NBPF9: variants seen among roughly 807,000 people sequenced by gnomAD.
The protein encoded by NBPF9 is NBPF family member NBPF9.
A neutral mutation model predicts 97.8 loss-of-function variants in NBPF9; 91 were observed. That is an observed-to-expected ratio of 0.93 (90% CI 0.79 to 1.11). NBPF9 has a LOEUF of 1.11. Among genes scored for constraint, NBPF9 ranks in the 50% least tolerant of loss-of-function variants. The pLI, the probability that NBPF9 is intolerant of heterozygous loss-of-function variation, is 0.00. For synonymous variants in NBPF9, 334 were observed against 359.5 expected (o/e 0.93, Z 0.80); for missense variants, 992 against 939.5 (o/e 1.06, Z -0.73).
chr1:149,062,991 C>T lies in NBPF9; in HGVS notation c.2027-78G>A, dbSNP rs1160689790. On this transcript the variant is annotated intron_variant, in intron 20 of 29. Transcript: ENST00000584027. ...ATAACAATCCACTGTCTAATCCTCA[C>T]ACAGGGACTTCAGGCTCCTCAGCAT... 4.6e-4 allele frequency: 312 copies of T among 677,346 alleles called. 3 individuals carry two copies. Among genetic ancestry groups the T allele is most frequent in the Admixed American group, 1.2e-3 (52 of 44,662 alleles). 42.0% of individuals were successfully genotyped at this position (677,346 alleles called of 1,614,324 possible).
chr1:149,093,092 G>A (rs1354367710), intron 4 of NBPF9, among the ~76,000 whole-genome samples: 14 of 151,924 alleles, frequency 9.2e-5, no homozygotes, highest in African/African-American at 3.1e-4. Context: ...AGGGGGATGT[G>A]GCAGGACAAT....
chr1:149,079,378 A>T (rs2080203998), intron 8 of NBPF9, among the ~76,000 whole-genome samples, 157 bp from the exon 9 acceptor site: 1 of 151,910 alleles, frequency 6.6e-6, no homozygotes, highest in Non-Finnish European at 1.5e-5. Context: ...GAGAAAGAAT[A>T]GAAAATGGTT....
At chr1:149,055,938 A>T (rs1553648798) in intron 29 of NBPF9, 39 bp from the exon 30 acceptor site, 4 of 1,611,918 alleles carry the variant, frequency 2.5e-6, no homozygotes, top group Non-Finnish European at 3.4e-6. Flanking sequence ...AGCCAGGGAA[A>T]ATCAGACACC....
In NBPF9 at chr1:149,080,093, C is replaced by G. The variant is rs781931039; in HGVS notation, c.238G>C (p.Glu80Gln). 11 of 1,452,922 alleles carry G rather than the reference C, an allele frequency of 7.6e-6. No individual in the cohort carries two copies. In the East Asian group the frequency reaches 2.5e-4, roughly 33 times the overall value. 90.0% of individuals were successfully genotyped at this position (1,452,922 alleles called of 1,614,324 possible). The change falls in exon 8 of 30, where the codon GAG (glutamate) becomes CAG (glutamine). Residue 80 changes from glutamate (E) to glutamine (Q), a missense_variant. Transcript: ENST00000584027. ...TGCTTCAGCTGCTCTGCAAGCTTCT[C>G]CTCCTTGAACTGTCGCTCATTCCTC... is the stretch of plus-strand genomic sequence containing the variant.
chr1:149,069,402 T>A (rs373691159), intron 17 of NBPF9, among the ~76,000 whole-genome samples, 192 bp downstream of exon 17: 19,942 of 145,940 alleles, frequency 0.14, 1,501 homozygotes, highest in Middle Eastern at 0.2. Context: ...GATGGCAAGT[T>A]CCTATCTTGA....
At chr1:149,069,531 C>T in intron 17 of NBPF9, 63 bp downstream of exon 17, 1 of 711,324 alleles carries the variant, frequency 1.4e-6, no homozygotes, top group Non-Finnish European at 2.6e-6. Flanking sequence ...TCCTCATTTT[C>T]CCTAAATCTA....
chr1:149,070,195 C>T (rs1428353337), intron 16 of NBPF9, among the ~76,000 whole-genome samples: 5 of 150,864 alleles, frequency 3.3e-5, no homozygotes, highest in Non-Finnish European at 7.4e-5. Flanking sequence ...ATGTTGTGCA[C>T]CTGTGGTCCT....
intron 17 of NBPF9, among the ~76,000 whole-genome samples, chr1:149,067,902 G>A (rs1189621670): frequency 3.7e-5 from 4 of 108,800 alleles, no homozygotes; most frequent in East Asian, 2.9e-4. Flanking sequence ...TTCCACAATC[G>A]TTGAACTAGT....
chr1:149,063,768 C>T, exon 20 of NBPF9: 1 of 614,662 alleles, frequency 1.6e-6, no homozygotes, highest in South Asian at 2.0e-5. Flanking sequence ...TCCTGCAAGA[C>T]TTCAGGCCCT....
At chr1:149,101,053 C>T (rs1298494339) in intron 3 of NBPF9, among the ~76,000 whole-genome samples, 3 of 150,794 alleles carry the variant, frequency 2.0e-5, no homozygotes, top group Admixed American at 1.3e-4. Flanking sequence ...AAAGCAGTAA[C>T]CATAAAGGAA....
chr1:149,063,186 C>G (rs1458000032), intron 20 of NBPF9, among the ~76,000 whole-genome samples: 1 of 141,140 alleles, frequency 7.1e-6, no homozygotes, highest in Non-Finnish European at 1.5e-5. Flanking sequence ...CATATTTTTC[C>G]AATCGATTTA....
intron 17 of NBPF9, among the ~76,000 whole-genome samples, chr1:149,067,263 C>T: frequency 8.3e-6 from 1 of 120,238 alleles, no homozygotes. Context: ...TTTTTTTTTT[C>T]CATATGTATA....
Position 149,059,829 on chromosome 1 carries a change from G to T in NBPF9, c.2477-21C>A, listed in dbSNP as rs2078484239. ...AATTTCTGCAATAAATTCAGACATG[G>T]ACAGACACATTAAGCTGATTCCCCT... On this transcript the variant is annotated intron_variant, in intron 24 of 29. Transcript: ENST00000584027. 3 of 530,676 alleles carry T rather than the reference G, an allele frequency of 5.7e-6. 1 individual carries two copies. The highest frequency in any genetic ancestry group is 5.2e-5 in the Admixed American group (2 of 38,756). 32.9% of individuals were successfully genotyped at this position (530,676 alleles called of 1,614,324 possible). A position where few individuals can be genotyped will look rare whatever the true frequency, so the allele number is the denominator to read the frequency against.
At chr1:149,082,283 G>C in exon 6 of NBPF9, 1 of 1,546,164 alleles carries the variant, frequency 6.5e-7, no homozygotes, top group South Asian at 1.2e-5. Context: ...TTACTGTTGT[G>C]AAAAATGTGA....
intron 4 of NBPF9, among the ~76,000 whole-genome samples, chr1:149,093,861 G>A (rs1335312036): frequency 0.049 from 6,099 of 124,182 alleles, 478 homozygotes; most frequent in East Asian, 0.45. Flanking sequence ...TTCAGGTCAG[G>A]CCGTGGCTCG....
chr1:149,093,147 A>G (rs2152922682), intron 4 of NBPF9, among the ~76,000 whole-genome samples: 1 of 151,952 alleles, frequency 6.6e-6, no homozygotes, highest in East Asian at 2.0e-4. Flanking sequence ...ACGTGAACAA[A>G]TGTCTCTGCA....
chr1:149,064,534 C>A, intron 18 of NBPF9, 52 bp from the exon 19 acceptor site: 2 of 1,350,078 alleles, frequency 1.5e-6, no homozygotes, highest in South Asian at 1.2e-5. Flanking sequence ...CTTCCTTGCA[C>A]ACAGAAACAT....
exon 30 of NBPF9, chr1:149,055,808 G>C (rs2078177072): frequency 1.9e-6 from 3 of 1,610,814 alleles, no homozygotes; most frequent in South Asian, 1.1e-5. Context: ...GAGTCAGGTA[G>C]TTCAAAGTAC....
At chr1:149,091,168 G>GA (rs1214603071) in intron 4 of NBPF9, among the ~76,000 whole-genome samples, 2 of 122,426 alleles carry the variant, frequency 1.6e-5, no homozygotes, top group African/African-American at 6.2e-5. Context: ...CATGTATATA[G>GA]AGAGGCCTCT....
Sources: allele counts gnomAD v4.1 joint callset (sites outside exome capture counted in the v4.1 genomes callset), GRCh38; gene constraint gnomAD v4.1.1; transcripts MANE v1.5; gene names NCBI Gene and HGNC (gene_info 2026-07-23, HGNC 2026-07-21).